KATNBL1: variants seen among roughly 807,000 people sequenced by gnomAD.
KATNBL1 encodes the protein KATNB1-like protein 1.
A neutral mutation model predicts 44.7 loss-of-function variants in KATNBL1; 28 were observed. The observed-to-expected ratio is 0.63, with a 90% CI of 0.46 to 0.86. KATNBL1 has a LOEUF of 0.86. KATNBL1 is among the 40% of genes least tolerant of loss of function. The pLI is 0.00. For missense variants in KATNBL1, 272 were observed against 350.7 expected (o/e 0.78, Z 1.79); for synonymous variants, 78 against 114.9 (o/e 0.68, Z 2.06).
chr15:34,208,756 G>C (rs1567542906), intron 1 of KATNBL1: 1 of 152,222 alleles, frequency 6.6e-6, no homozygotes, highest in African/African-American at 2.4e-5. Flanking sequence ...GTGTGTGAAT[G>C]AATGTATGTG....
chr15:34,146,708 C>G (rs1888320394), intron 8 of KATNBL1, 53 bp downstream of exon 8: 2 of 1,000,042 alleles, frequency 2.0e-6, no homozygotes, highest in Non-Finnish European at 1.6e-6. Context: ...TTTAATCAAG[C>G]TGCTTTCCTG....
At chr15:34,205,831 C>G (rs1428546594) in intron 1 of KATNBL1, among the ~76,000 whole-genome samples, 2 of 152,182 alleles carry the variant, frequency 1.3e-5, no homozygotes, top group Non-Finnish European at 2.9e-5. Context: ...ACAAAAATCC[C>G]TGCTGTACTG....
intron 1 of KATNBL1, among the ~76,000 whole-genome samples, chr15:34,175,343 C>T (rs1337827061): frequency 6.6e-6 from 1 of 152,096 alleles, no homozygotes; most frequent in Non-Finnish European, 1.5e-5. Flanking sequence ...CGTTTGAGTG[C>T]TCAAAAAATT....
intron 1 of KATNBL1, among the ~76,000 whole-genome samples, chr15:34,175,394 T>G (rs1446912311): frequency 6.6e-6 from 1 of 152,214 alleles, no homozygotes; most frequent in Non-Finnish European, 1.5e-5. Context: ...CATTTCAGAT[T>G]TGGATTTTTA....
chr15:34,188,984 ATAT>A (rs1339269637), intron 1 of KATNBL1, among the ~76,000 whole-genome samples: 8 of 152,250 alleles, frequency 5.3e-5, no homozygotes, highest in Non-Finnish European at 1.2e-4. Flanking sequence ...CATTACTGAC[ATAT>A]TAATAATAAT....
intron 2 of KATNBL1, among the ~76,000 whole-genome samples, chr15:34,157,328 G>C (rs539347444): frequency 6.6e-6 from 1 of 152,132 alleles, no homozygotes; most frequent in African/African-American, 2.4e-5. Flanking sequence ...TGGGTGTGAT[G>C]AGTCCATCCC....
chr15:34,188,136 GTAAAAAAAAAAAA>G (rs1254870043), intron 1 of KATNBL1, among the ~76,000 whole-genome samples: 1 of 6,578 alleles, frequency 1.5e-4, no homozygotes, highest in African/African-American at 2.9e-4. Flanking sequence ...AAGACGCCAT[GTAAAAAAAAAAAA>G]AAAAAAAAAA....
At chr15:34,208,044 TAG>T (rs1293491228) in intron 1 of KATNBL1, among the ~76,000 whole-genome samples, 1 of 152,264 alleles carries the variant, frequency 6.6e-6, no homozygotes, top group Admixed American at 6.5e-5. Context: ...TAACCCAAAC[TAG>T]ATTAATCTCC....
intron 3 of KATNBL1, among the ~76,000 whole-genome samples, chr15:34,153,482 C>T (rs142156562): frequency 1.3e-4 from 20 of 152,228 alleles, no homozygotes; most frequent in African/African-American, 1.7e-4. Flanking sequence ...AGTAAGAACA[C>T]GATAGAGCAA....
At chr15:34,169,221 G>T (rs937842901) in intron 1 of KATNBL1, among the ~76,000 whole-genome samples, 2 of 151,996 alleles carry the variant, frequency 1.3e-5, no homozygotes, top group African/African-American at 4.8e-5. Flanking sequence ...AAACAGAGAA[G>T]AATCAAATAG....
intron 1 of KATNBL1, among the ~76,000 whole-genome samples, chr15:34,203,323 C>T (rs948576887): frequency 6.6e-6 from 1 of 152,078 alleles, no homozygotes; most frequent in African/African-American, 2.4e-5. Context: ...CGTTTCTTTC[C>T]ATTTCCATTA....
intron 1 of KATNBL1, among the ~76,000 whole-genome samples, chr15:34,183,384 G>A (rs1308765853): frequency 6.6e-6 from 1 of 152,152 alleles, no homozygotes; most frequent in Admixed American, 6.5e-5. Context: ...TACTATGCAG[G>A]TAGGTATCAC....
chr15:34,150,001 T>G (rs1214280786), intron 4 of KATNBL1, among the ~76,000 whole-genome samples: 1 of 152,260 alleles, frequency 6.6e-6, no homozygotes, highest in Non-Finnish European at 1.5e-5. Context: ...ATATGTGCAC[T>G]TGTACAGACA....
intron 5 of KATNBL1, 25 bp downstream of exon 5, chr15:34,148,607 A>G (rs763800045): frequency 3.9e-6 from 5 of 1,297,176 alleles, no homozygotes; most frequent in Non-Finnish European, 5.6e-6. Context: ...GTGATTGAAC[A>G]AAGAGGATAA....
chr15:34,187,802 T>C (rs1405621767), intron 1 of KATNBL1, among the ~76,000 whole-genome samples: 1 of 152,066 alleles, frequency 6.6e-6, no homozygotes, highest in African/African-American at 2.4e-5. Context: ...AAACAGATTC[T>C]TACTGAACTT....
intron 9 of KATNBL1, chr15:34,142,581 C>A: frequency 4.3e-6 from 2 of 461,538 alleles, no homozygotes; most frequent in Non-Finnish European, 3.8e-6. Flanking sequence ...TTGCTAAGTG[C>A]TAAATGAATG....
intron 1 of KATNBL1, among the ~76,000 whole-genome samples, chr15:34,175,361 T>C (rs1244317862): frequency 1.3e-5 from 2 of 152,302 alleles, no homozygotes; most frequent in Non-Finnish European, 2.9e-5. Context: ...ATTTCAGTGC[T>C]CAAAAAGCCT....
chr15:34,158,316 T>A (rs547072820), intron 2 of KATNBL1, among the ~76,000 whole-genome samples: 18 of 152,234 alleles, frequency 1.2e-4, no homozygotes, highest in South Asian at 4.1e-4. Flanking sequence ...CACCCATTTC[T>A]CTTCTGAATT....
intron 2 of KATNBL1, among the ~76,000 whole-genome samples, chr15:34,160,726 C>T (rs953761063): frequency 1.3e-5 from 2 of 152,132 alleles, no homozygotes. Context: ...TTTTTAATCC[C>T]TTACCTTACT....
Sources: gnomAD v4.1 joint callset for allele counts (sites outside exome capture counted in the v4.1 genomes callset) on GRCh38, gnomAD v4.1.1 for gene constraint, MANE v1.5 for transcripts, NCBI Gene and HGNC (gene_info 2026-07-23, HGNC 2026-07-21) for gene names.